Variants in ADAMTS20 observed in about 807,000 individuals in gnomAD.
The protein encoded by ADAMTS20 is A disintegrin and metalloproteinase with thrombospondin motifs 20.
Under a neutral mutation model 260.1 loss-of-function variants are expected in ADAMTS20, and 225 were observed. The ratio of observed to expected loss-of-function variants is 0.87; its 90% CI spans 0.78 to 0.97. The LOEUF (loss-of-function observed/expected upper bound fraction) is 0.97. Among genes scored for constraint, ADAMTS20 ranks in the 50% least tolerant of loss-of-function variants. The probability of loss-of-function intolerance (pLI) is 0.00; values close to 1 mark genes in which losing one functional copy is unlikely to be tolerated. For synonymous variants in ADAMTS20, 802 were observed against 769.5 expected (o/e 1.04, Z -0.70); for missense variants, 2,400 against 2,337.7 (o/e 1.03, Z -0.55).
chr12:43,386,308 C>A (rs1004369213), intron 29 of ADAMTS20, among the ~76,000 whole-genome samples: 1 of 152,076 alleles, frequency 6.6e-6, no homozygotes, highest in South Asian at 2.1e-4. Context: ...TGTTGAATAT[C>A]GGCCCCCACT....
chr12:43,459,334 C>G (rs1486779192), intron 11 of ADAMTS20, among the ~76,000 whole-genome samples: 2 of 152,202 alleles, frequency 1.3e-5, no homozygotes, highest in African/African-American at 4.8e-5. Context: ...CTGGGTTCAT[C>G]CTAATCAGGC....
intron 37 of ADAMTS20, among the ~76,000 whole-genome samples, chr12:43,365,415 G>A (rs375327416): frequency 1.8e-4 from 28 of 151,970 alleles, no homozygotes; most frequent in South Asian, 4.1e-4. Flanking sequence ...AAAAGCAATC[G>A]TATAAACCAA....
chr12:43,414,510 T>C (rs1941093162), intron 28 of ADAMTS20, among the ~76,000 whole-genome samples: 1 of 152,124 alleles, frequency 6.6e-6, no homozygotes, highest in Non-Finnish European at 1.5e-5. Flanking sequence ...ATCAGTAAGA[T>C]AATGCAGAAA....
At chr12:43,372,752 G>C (rs1416407472) in intron 36 of ADAMTS20, among the ~76,000 whole-genome samples, 1 of 152,176 alleles carries the variant, frequency 6.6e-6, no homozygotes, top group Non-Finnish European at 1.5e-5. Context: ...ATTTGCCTTG[G>C]ATGGGAGCAT....
rs180799100 is a variant in ADAMTS20 at position 43,469,296 on chromosome 12, C to T, written c.1118-591G>A. ...TCACTGAATAATTTTGTAACATTTC[C>T]GCAATAGGAAATGTATTGCAAATCA... is the stretch of plus-strand genomic sequence containing the variant. On this transcript the variant is annotated intron_variant, in intron 7 of 38. Coordinates refer to ENST00000389420, the MANE Select transcript of ADAMTS20 (RefSeq NM_025003.5). Among the ~76,000 whole-genome samples, 27 of 151,984 alleles carry T rather than the reference C, an allele frequency of 1.8e-4. No individual in the cohort carries two copies. The East Asian group carries it at 4.4e-3, about 25-fold the overall frequency.
chr12:43,380,435 G>C (rs1297853250), intron 31 of ADAMTS20, among the ~76,000 whole-genome samples: 1 of 152,042 alleles, frequency 6.6e-6, no homozygotes, highest in Non-Finnish European at 1.5e-5. Flanking sequence ...TTTCTAGACA[G>C]GGAAATTGGA....
intron 37 of ADAMTS20, among the ~76,000 whole-genome samples, chr12:43,367,772 T>C (rs1285807565): frequency 6.6e-6 from 1 of 152,066 alleles, no homozygotes; most frequent in Non-Finnish European, 1.5e-5. Context: ...GACATCACTG[T>C]GTATAAAGAA....
chr12:43,367,447 C>T (rs1940012440), intron 37 of ADAMTS20, among the ~76,000 whole-genome samples: 1 of 151,996 alleles, frequency 6.6e-6, no homozygotes, highest in South Asian at 2.1e-4. Context: ...ACAAAAACCA[C>T]AGGATCTTCT....
intron 37 of ADAMTS20, among the ~76,000 whole-genome samples, chr12:43,361,347 T>C (rs1254874825): frequency 1.3e-5 from 2 of 152,238 alleles, no homozygotes; most frequent in African/African-American, 4.8e-5. Context: ...AGTTTGTATT[T>C]TTGGTAACAG....
chr12:43,363,022 T>C (rs545346949), intron 37 of ADAMTS20, among the ~76,000 whole-genome samples: 1 of 151,972 alleles, frequency 6.6e-6, no homozygotes, highest in East Asian at 1.9e-4. Flanking sequence ...AATAATAAAT[T>C]TGTGCTACCA....
chr12:43,360,151 G>C (rs1939835035), intron 37 of ADAMTS20, among the ~76,000 whole-genome samples: 1 of 152,104 alleles, frequency 6.6e-6, no homozygotes, highest in East Asian at 1.9e-4. Flanking sequence ...AGTAAGACTT[G>C]AAAACACATA....
At chr12:43,409,565 G>A (rs1940987263) in intron 28 of ADAMTS20, among the ~76,000 whole-genome samples, 1 of 113,756 alleles carries the variant, frequency 8.8e-6, no homozygotes, top group Non-Finnish European at 1.6e-5. Context: ...TCCCGCCACT[G>A]CACTCCAGCC....
At position 43,506,080 on chromosome 12, in the gene ADAMTS20, A is replaced by G. The variant is rs147026840; in HGVS notation, c.614-3675T>C. Among the ~76,000 whole-genome samples the G allele has an allele frequency of 5.9e-3, 902 of 152,220 alleles. 4 individuals carry two copies. The highest frequency in any genetic ancestry group is 9.4e-3 in the Non-Finnish European group (639 of 68,008). On this transcript the variant is annotated intron_variant, in intron 3 of 38. Transcript: ENST00000389420. Reference sequence around the variant, plus strand: ...TTGAAGCTACAGTGAGCTATGATATACCACTGCACTCCAGCTTGGGTAAGA... The same window carrying G: ...TTGAAGCTACAGTGAGCTATGATATGCCACTGCACTCCAGCTTGGGTAAGA...
In ADAMTS20 at chr12:43,512,164, G is replaced by C. The variant is rs112507004; in HGVS notation, c.614-9759C>G. ...CTATGAGGTAAGTACTATTATTATC[G>C]TCATTTTATATATGAGGATAATTTT... is the stretch of plus-strand genomic sequence containing the variant. On this transcript the variant is annotated intron_variant, in intron 3 of 38. Coordinates refer to ENST00000389420, the MANE Select transcript of ADAMTS20 (RefSeq NM_025003.5). Among the ~76,000 whole-genome samples the C allele has an allele frequency of 6.0e-5, 9 of 150,530 alleles. No homozygotes were observed. In the South Asian group the frequency reaches 1.9e-3, roughly 31 times the overall value.
In ADAMTS20 at chr12:43,492,647, T is replaced by C; in HGVS notation, c.952-18A>G. On this transcript the variant is annotated intron_variant, in intron 5 of 38. Coordinates refer to ENST00000389420, the MANE Select transcript of ADAMTS20 (RefSeq NM_025003.5). Reference sequence around the variant, plus strand: ...GGTCCTTCCTATGCAAAATAAGCAATGCAATACTATGTCAAAATATTAACG... The same window carrying C: ...GGTCCTTCCTATGCAAAATAAGCAACGCAATACTATGTCAAAATATTAACG... The C allele has an allele frequency of 6.2e-7, 1 of 1,612,442 alleles. No individual in the cohort carries two copies.
Position 43,446,681 on chromosome 12 carries a change from C to G in ADAMTS20, c.2111G>C (p.Ser704Thr), listed in dbSNP as rs778827688. The change falls in exon 15 of 39, where the codon AGT becomes ACT. Residue 704 changes from serine (S) to threonine (T), a missense_variant. Ser to Thr is a moderately conservative substitution (Grantham distance 58, BLOSUM62 1). Coordinates refer to ENST00000389420, the MANE Select transcript of ADAMTS20 (RefSeq NM_025003.5). ...AAGCDHVLNS[S>T]AKIDKCGVCG... ...CACTCCACATTTGTCTATCTTGGCACTGGAGTTTAACACGTGATCACAACC... is the reference window on the plus strand; with the variant it reads ...CACTCCACATTTGTCTATCTTGGCAGTGGAGTTTAACACGTGATCACAACC... 8 of 1,613,362 alleles carry G rather than the reference C, an allele frequency of 5.0e-6. No individual in the cohort carries two copies. The South Asian group carries it at 5.5e-5, about 11-fold the overall frequency.
At chr12:43,358,519 T>A (rs1378936432) in intron 37 of ADAMTS20, among the ~76,000 whole-genome samples, 3 of 152,270 alleles carry the variant, frequency 2.0e-5, no homozygotes, top group Admixed American at 2.0e-4. Context: ...TCTAAATCTG[T>A]TAAGTGAAAT....
chr12:43,396,712 C>T (rs1940711738), intron 29 of ADAMTS20, among the ~76,000 whole-genome samples: 2 of 152,094 alleles, frequency 1.3e-5, no homozygotes, highest in African/African-American at 2.4e-5. Context: ...GAAATATGTT[C>T]CTTTAGCAGA....
intron 3 of ADAMTS20, among the ~76,000 whole-genome samples, chr12:43,528,234 A>G (rs1203261812): frequency 6.6e-6 from 1 of 151,798 alleles, no homozygotes; most frequent in Admixed American, 6.6e-5. Context: ...ATGGATTGGA[A>G]AATATCCTGA....
Sources: gnomAD v4.1 joint callset for allele counts (sites outside exome capture counted in the v4.1 genomes callset) on GRCh38, gnomAD v4.1.1 for gene constraint, MANE v1.5 for transcripts, NCBI Gene and HGNC (gene_info 2026-07-23, HGNC 2026-07-21) for gene names.